The following KIF1B variants were observed in gnomAD, a reference collection of about 807,000 sequenced individuals.
KIF1B encodes the protein kinesin family member 1B.
Under a neutral mutation model 241.9 loss-of-function variants are expected in KIF1B, and 76 were observed. The observed-to-expected ratio is 0.31, with a 90% CI of 0.26 to 0.38. The LOEUF is 0.38. KIF1B is among the 10% of genes least tolerant of loss of function. The probability of loss-of-function intolerance (pLI) is 1.00; values close to 1 mark genes in which losing one functional copy is unlikely to be tolerated. For synonymous variants in KIF1B, 750 were observed against 796.7 expected, an observed-to-expected ratio of 0.94 and a Z score of 0.99; for missense variants, 1,622 against 2,271.4, an observed-to-expected ratio of 0.71 and a Z score of 5.81.
chr1:10,215,172 A>ATATTTT (rs1377684765), intron 1 of KIF1B, among the ~76,000 whole-genome samples: 7 of 45,358 alleles, frequency 1.5e-4, no homozygotes, highest in Admixed American at 3.2e-4. Context: ...ATATATATAT[A>ATATTTT]TTTTTTTTTT....
chr1:10,348,774 C>G (rs370452141), intron 37 of KIF1B, 41 bp downstream of exon 37: 62 of 1,478,900 alleles, frequency 4.2e-5, no homozygotes, highest in East Asian at 2.9e-4. Context: ...CCAGGACTTA[C>G]AGAGATTTTT....
At chr1:10,233,846 T>TG (rs914533773) in intron 2 of KIF1B, among the ~76,000 whole-genome samples, 1 of 152,016 alleles carries the variant, frequency 6.6e-6, no homozygotes, top group Non-Finnish European at 1.5e-5. Flanking sequence ...TTCACCATGT[T>TG]GGCCAGGCTG....
intron 2 of KIF1B, among the ~76,000 whole-genome samples, chr1:10,237,637 T>C (rs1018330667): frequency 6.6e-6 from 1 of 152,322 alleles, no homozygotes; most frequent in Admixed American, 6.5e-5. Context: ...TATAGGCTTT[T>C]TCATTCACGC....
chr1:10,374,697 C>T lies in KIF1B; in HGVS notation c.5097-157C>T, dbSNP rs571573100. ...TGCCATGGCACGGTTTCGCTTTTGCCGTATTACTTTGGCAGATAAGATTCT... is the reference window on the plus strand; with the variant it reads ...TGCCATGGCACGGTTTCGCTTTTGCTGTATTACTTTGGCAGATAAGATTCT... On this transcript the variant is annotated intron_variant, in intron 46 of 48. Transcript: ENST00000676179. This position sits in a 1 kb window ranked among gnomAD's most constrained non-coding sequence, Gnocchi z 4.3. 3.9e-5 allele frequency among the ~76,000 whole-genome samples: 6 copies of T among 152,236 alleles called. No individual in the cohort carries two copies. The highest frequency in any genetic ancestry group is 7.2e-5 in the African/African-American group (3 of 41,540).
intron 3 of KIF1B, among the ~76,000 whole-genome samples, chr1:10,257,619 G>A (rs185682167): frequency 3.9e-5 from 6 of 152,206 alleles, no homozygotes; most frequent in Admixed American, 2.6e-4. Flanking sequence ...ATTGTTCATA[G>A]AGTTTACTTC....
intron 22 of KIF1B, among the ~76,000 whole-genome samples, chr1:10,298,716 TAAC>T (rs1650388665): frequency 1.3e-5 from 2 of 152,164 alleles, no homozygotes; most frequent in Non-Finnish European, 2.9e-5. Flanking sequence ...GCTCTATTAT[TAAC>T]AATAATGCCT....
chr1:10,235,710 A>C (rs576791245), intron 2 of KIF1B, among the ~76,000 whole-genome samples: 1 of 152,186 alleles, frequency 6.6e-6, no homozygotes, highest in East Asian at 1.9e-4. Flanking sequence ...AAAATACAAA[A>C]AATTAGCTGG....
At chr1:10,335,037 A>G (rs1363710480) in intron 28 of KIF1B, among the ~76,000 whole-genome samples, 1 of 151,588 alleles carries the variant, frequency 6.6e-6, no homozygotes, top group Non-Finnish European at 1.5e-5. Context: ...CTCCAGGCTC[A>G]GCCATCCTCC....
chr1:10,316,370 C>T (rs1651305022), intron 22 of KIF1B, among the ~76,000 whole-genome samples: 1 of 151,674 alleles, frequency 6.6e-6, no homozygotes, highest in Non-Finnish European at 1.5e-5. Context: ...TGATGTTTCC[C>T]AGCTCTCTGC....
chr1:10,277,753 G>A (rs1649193437), intron 12 of KIF1B, among the ~76,000 whole-genome samples: 1 of 152,144 alleles, frequency 6.6e-6, no homozygotes, highest in Non-Finnish European at 1.5e-5. Flanking sequence ...CATAAGTTGG[G>A]TTTAAGTCCT....
At chr1:10,331,569 TTA>T (rs1284913306) in intron 27 of KIF1B, among the ~76,000 whole-genome samples, 1 of 152,248 alleles carries the variant, frequency 6.6e-6, no homozygotes, top group Non-Finnish European at 1.5e-5. Flanking sequence ...CTGTGATGTA[TTA>T]TGTCTGTTTT....
intron 3 of KIF1B, among the ~76,000 whole-genome samples, chr1:10,257,440 A>C (rs1256085627): frequency 6.0e-5 from 9 of 149,732 alleles, no homozygotes; most frequent in Non-Finnish European, 8.9e-5. Flanking sequence ...GCACCACTGC[A>C]CTCCAGCCTG....
chr1:10,225,527 G>A (rs1646898681), intron 1 of KIF1B, among the ~76,000 whole-genome samples: 2 of 152,012 alleles, frequency 1.3e-5, no homozygotes, highest in Non-Finnish European at 2.9e-5. Flanking sequence ...TCAATGATTT[G>A]AAAAGTGTTA....
At position 10,367,590 on chromosome 1, in the gene KIF1B, A is replaced by G. The variant is rs577795888; in HGVS notation, c.4753-877A>G. ...TGCTCTGTGGCCCACGCTGGAGTGC[A>G]GTGGTGCGATCTCGGCTCACTGCAG... is the stretch of plus-strand genomic sequence containing the variant. On this transcript the variant is annotated intron_variant, in intron 43 of 48. Transcript: ENST00000676179. Among the ~76,000 whole-genome samples, 7 of 149,402 alleles carry G rather than the reference A, an allele frequency of 4.7e-5. No homozygotes were observed. In the South Asian group the frequency reaches 1.5e-3, roughly 32 times the overall value.
chr1:10,265,136 A>G (rs1436650281), intron 5 of KIF1B, among the ~76,000 whole-genome samples: 2 of 152,000 alleles, frequency 1.3e-5, no homozygotes, highest in Non-Finnish European at 2.9e-5. Context: ...TGTGGCTCCC[A>G]AAGTGCTAAG....
At chr1:10,229,188 G>A (rs1199392869) in intron 1 of KIF1B, among the ~76,000 whole-genome samples, 2 of 152,054 alleles carry the variant, frequency 1.3e-5, no homozygotes, top group African/African-American at 4.8e-5. Flanking sequence ...TTTGATACAT[G>A]TGATCATAAA....
chr1:10,212,931 T>TATATATAC (rs1384450222), intron 1 of KIF1B, among the ~76,000 whole-genome samples: 6 of 86,506 alleles, frequency 6.9e-5, no homozygotes, highest in East Asian at 2.7e-4. Flanking sequence ...TATATATATA[T>TATATATAC]ACACACACAC....
At chr1:10,331,389 C>T (rs1340459717) in intron 27 of KIF1B, among the ~76,000 whole-genome samples, 1 of 152,172 alleles carries the variant, frequency 6.6e-6, no homozygotes. Flanking sequence ...CGTTTTTTTA[C>T]ACCAGAGCTT....
chr1:10,375,084 G>A (rs768888176), intron 47 of KIF1B, 38 bp downstream of exon 47: 4 of 1,601,624 alleles, frequency 2.5e-6, no homozygotes, highest in Admixed American at 3.3e-5. Context: ...ATTGCCACGT[G>A]TGCCCTTCTC....
Sources: allele counts gnomAD v4.1 joint callset (sites outside exome capture counted in the v4.1 genomes callset), GRCh38; gene constraint gnomAD v4.1.1; non-coding constraint Gnocchi (gnomAD v3.1); transcripts MANE v1.5; gene names NCBI Gene and HGNC (gene_info 2026-07-23, HGNC 2026-07-21).